The following RANBP2 variants were observed in gnomAD, a reference collection of about 807,000 sequenced individuals.
RANBP2 encodes E3 SUMO-protein ligase RanBP2.
RANBP2 carries 57 observed loss-of-function variants against 303.6 expected under a neutral mutation model. The observed-to-expected ratio is 0.19, with a 90% CI of 0.15 to 0.23. The LOEUF is 0.23. RANBP2 is among the 10% of genes least tolerant of loss of function. The pLI is 1.00. For missense variants in RANBP2, 3,138 were observed against 3,780.8 expected (o/e 0.83, Z 4.46); for synonymous variants, 1,167 against 1,301.5 (o/e 0.90, Z 2.23).
the RANBP2 span, among the ~76,000 whole-genome samples, chr2:109,042,460 C>T: frequency 6.6e-6 from 1 of 152,084 alleles, no homozygotes; most frequent in African/African-American, 2.4e-5. Context: ...AGGGGGTTTG[C>T]CAGGTCCAAT....
chr2:109,586,050 C>A, the RANBP2 span, among the ~76,000 whole-genome samples: 1 of 152,136 alleles, frequency 6.6e-6, no homozygotes, highest in Non-Finnish European at 1.5e-5. Context: ...CCCCTTCATA[C>A]AACGAGAGTC....
chr2:109,555,765 G>A, the RANBP2 span, among the ~76,000 whole-genome samples: 1 of 152,222 alleles, frequency 6.6e-6, no homozygotes, highest in South Asian at 2.1e-4. Context: ...AAATACAAAC[G>A]GCTTAAGAAG....
the RANBP2 span, among the ~76,000 whole-genome samples, chr2:109,258,023 C>T: frequency 1.4e-3 from 220 of 152,284 alleles, 1 homozygote; most frequent in South Asian, 0.014. Flanking sequence ...TACCTGTGCA[C>T]ACATGTACAC....
At chr2:109,075,669 G>T in the RANBP2 span, among the ~76,000 whole-genome samples, 1 of 145,786 alleles carries the variant, frequency 6.9e-6, no homozygotes, top group African/African-American at 2.5e-5. Context: ...GAAATAAAAA[G>T]GATCATAAAA....
chr2:109,196,694 A>T, the RANBP2 span, among the ~76,000 whole-genome samples: 2 of 152,122 alleles, frequency 1.3e-5, no homozygotes, highest in Non-Finnish European at 2.9e-5. Flanking sequence ...GGCTCTGTGA[A>T]TCCTGAGCTG....
chr2:109,726,995 T>C, the RANBP2 span, among the ~76,000 whole-genome samples: 5 of 152,182 alleles, frequency 3.3e-5, no homozygotes, highest in Admixed American at 3.3e-4. Context: ...ACTGGCTAGA[T>C]GGAAGCCCTA....
the RANBP2 span, among the ~76,000 whole-genome samples, chr2:108,958,258 G>A: frequency 6.6e-6 from 1 of 152,178 alleles, no homozygotes; most frequent in Non-Finnish European, 1.5e-5. Flanking sequence ...CTTTCCTTAA[G>A]CTCACTGTTG....
the RANBP2 span, among the ~76,000 whole-genome samples, chr2:109,642,219 G>C: frequency 5.4e-3 from 824 of 152,212 alleles, 6 homozygotes; most frequent in African/African-American, 0.019. Flanking sequence ...CACTGCACCT[G>C]GCTGCTTTCA....
the RANBP2 span, among the ~76,000 whole-genome samples, chr2:109,027,483 C>G: frequency 2.0e-5 from 3 of 152,096 alleles, no homozygotes; most frequent in Non-Finnish European, 4.4e-5. Context: ...GCCAAGGAAG[C>G]CTGTGGAGCC....
the RANBP2 span, among the ~76,000 whole-genome samples, chr2:108,959,511 T>G: frequency 6.6e-6 from 1 of 152,210 alleles, no homozygotes; most frequent in Admixed American, 6.5e-5. Context: ...TCTGTGATGC[T>G]TAAAACCTGT....
the RANBP2 span, among the ~76,000 whole-genome samples, chr2:109,588,851 A>C: frequency 3.9e-5 from 1 of 25,580 alleles, no homozygotes; most frequent in Non-Finnish European, 8.7e-5. Context: ...AATTACTATT[A>C]AAAAAAAAAA....
chr2:108,979,740 C>A, the RANBP2 span, among the ~76,000 whole-genome samples: 2 of 152,146 alleles, frequency 1.3e-5, no homozygotes, highest in Non-Finnish European at 1.5e-5. Context: ...CAGTAGCCAA[C>A]AGAGGAGGAG....
At chr2:109,352,504 CCTGA>C in the RANBP2 span, among the ~76,000 whole-genome samples, 4 of 152,286 alleles carry the variant, frequency 2.6e-5, no homozygotes, top group Admixed American at 2.0e-4. Flanking sequence ...TCTGCTTCTT[CCTGA>C]CTGAGAATTG....
the RANBP2 span, among the ~76,000 whole-genome samples, chr2:109,525,091 T>C: frequency 6.6e-6 from 1 of 151,906 alleles, no homozygotes; most frequent in Non-Finnish European, 1.5e-5. Flanking sequence ...TTTTTTTTTT[T>C]TTTTTGTGGT....
chr2:109,259,330 C>T, the RANBP2 span, among the ~76,000 whole-genome samples: 1 of 152,196 alleles, frequency 6.6e-6, no homozygotes, highest in Non-Finnish European at 1.5e-5. Flanking sequence ...GTTGAGCCTA[C>T]CTGAAGCCCT....
the RANBP2 span, among the ~76,000 whole-genome samples, chr2:109,569,465 T>C: frequency 6.6e-6 from 1 of 150,994 alleles, no homozygotes; most frequent in African/African-American, 2.4e-5. Flanking sequence ...AGGAAAAAAT[T>C]ATAATTCCTA....
chr2:109,692,782 C>T, the RANBP2 span, among the ~76,000 whole-genome samples: 1 of 152,012 alleles, frequency 6.6e-6, no homozygotes, highest in Non-Finnish European at 1.5e-5. Context: ...ATCTTTTAAC[C>T]GTCACTCATT....
the RANBP2 span, among the ~76,000 whole-genome samples, chr2:109,653,943 C>T: frequency 1.5e-3 from 232 of 152,202 alleles, no homozygotes; most frequent in Non-Finnish European, 2.9e-3. Flanking sequence ...CTGTGTTCTC[C>T]AGGAACAGAC....
chr2:108,882,258 G>C, the RANBP2 span: 1 of 152,116 alleles, frequency 6.6e-6, no homozygotes, highest in Non-Finnish European at 1.5e-5. Flanking sequence ...TTACCAAAAT[G>C]TGAGCTCATG....
Sources: gnomAD v4.1 joint callset for allele counts (sites outside exome capture counted in the v4.1 genomes callset) on GRCh38, gnomAD v4.1.1 for gene constraint, MANE v1.5 for transcripts, NCBI Gene and HGNC (gene_info 2026-07-23, HGNC 2026-07-21) for gene names.